Variants in PRKN observed in about 807,000 individuals in gnomAD.
PRKN encodes parkin RBR E3 ubiquitin protein ligase, also known as E3 ubiquitin-protein ligase parkin.
In PRKN, 56 loss-of-function variants were observed where a neutral mutation model predicts 59.5. That is an observed-to-expected ratio of 0.94 (90% CI 0.76 to 1.18). The LOEUF (loss-of-function observed/expected upper bound fraction) is 1.18. Among genes scored for constraint, PRKN ranks in the 50% most tolerant of loss-of-function variants. The pLI is 0.00. For missense variants in PRKN, 657 were observed against 596.4 expected (o/e 1.10, Z -1.06); for synonymous variants, 250 against 222.1 (o/e 1.13, Z -1.12).
chr6:161,768,855 C>T (rs139291187), intron 7 of PRKN, among the ~76,000 whole-genome samples: 387 of 152,294 alleles, frequency 2.5e-3, no homozygotes, highest in Non-Finnish European at 4.1e-3. Flanking sequence ...GTTAAAGCAG[C>T]CTACCAATGC....
intron 2 of PRKN, among the ~76,000 whole-genome samples, chr6:162,381,828 C>G (rs1216897370): frequency 6.6e-6 from 1 of 152,116 alleles, no homozygotes; most frequent in East Asian, 1.9e-4. Flanking sequence ...AGTTAATATA[C>G]ATTCTCTTTT....
intron 10 of PRKN, among the ~76,000 whole-genome samples, chr6:161,384,334 A>G (rs1786134115): frequency 6.6e-6 from 1 of 152,154 alleles, no homozygotes; most frequent in Non-Finnish European, 1.5e-5. Flanking sequence ...TGAGCTCAGG[A>G]GTTCAAGACC....
chr6:162,161,093 G>C (rs1031508934), intron 4 of PRKN, among the ~76,000 whole-genome samples: 1 of 152,100 alleles, frequency 6.6e-6, no homozygotes, highest in Non-Finnish European at 1.5e-5. Flanking sequence ...CCAACCCTTA[G>C]GGTCTTTCTT....
intron 7 of PRKN, among the ~76,000 whole-genome samples, chr6:161,732,971 G>T (rs1787785031): frequency 6.6e-6 from 1 of 152,150 alleles, no homozygotes; most frequent in Admixed American, 6.5e-5. Context: ...GCACCATAAT[G>T]AGGGCGTAGG....
At chr6:162,676,694 C>G (rs1779559280) in intron 1 of PRKN, among the ~76,000 whole-genome samples, 1 of 152,150 alleles carries the variant, frequency 6.6e-6, no homozygotes, top group African/African-American at 2.4e-5. Flanking sequence ...TTACTGACAA[C>G]AGAATGTGAG....
chr6:161,728,872 A>T (rs1241017856), intron 7 of PRKN, among the ~76,000 whole-genome samples: 1 of 152,216 alleles, frequency 6.6e-6, no homozygotes, highest in African/African-American at 2.4e-5. Flanking sequence ...ATAAAAATAC[A>T]CAGTAGCATA....
At chr6:162,122,347 G>A (rs1780950039) in intron 4 of PRKN, among the ~76,000 whole-genome samples, 1 of 152,168 alleles carries the variant, frequency 6.6e-6, no homozygotes, top group Non-Finnish European at 1.5e-5. Context: ...CCCAGAAGGG[G>A]CCTCTTAGGA....
intron 1 of PRKN, among the ~76,000 whole-genome samples, chr6:162,450,341 GTAATCCCCCTGT>G (rs1562773988): frequency 7.5e-5 from 7 of 93,056 alleles, no homozygotes; most frequent in African/African-American, 2.3e-4. Flanking sequence ...CCCTGTGATT[GTAATCCCCCTGT>G]GAATGTAAAC....
At chr6:161,479,013 A>T (rs1791259902) in intron 9 of PRKN, among the ~76,000 whole-genome samples, 1 of 152,244 alleles carries the variant, frequency 6.6e-6, no homozygotes, top group Non-Finnish European at 1.5e-5. Context: ...CAATTTATAC[A>T]TAGAGTGTAA....
Position 161,575,370 on chromosome 6 carries a change from G to A in PRKN, c.872-5954C>T, listed in dbSNP as rs572352715. Among the ~76,000 whole-genome samples the A allele has an allele frequency of 2.6e-5, 4 of 152,162 alleles. No individual in the cohort carries two copies. The South Asian group carries it at 8.3e-4, about 32-fold the overall frequency. On this transcript the variant is annotated intron_variant, in intron 7 of 11. Coordinates refer to ENST00000366898, the MANE Select transcript of PRKN (RefSeq NM_004562.3). The surrounding 1 kb of genome is among the most constrained non-coding windows in gnomAD (Gnocchi z 4.6). ...CAAAGTTGTGTAGCATTTCCACAAAGTCACTGACAGCTACTGAGAAAAAGC... is the reference window on the plus strand; with the variant it reads ...CAAAGTTGTGTAGCATTTCCACAAAATCACTGACAGCTACTGAGAAAAAGC...
At chr6:161,630,611 C>A (rs1166346956) in intron 7 of PRKN, among the ~76,000 whole-genome samples, 4 of 152,140 alleles carry the variant, frequency 2.6e-5, no homozygotes, top group African/African-American at 7.2e-5. Context: ...TTACCAGAGT[C>A]AAATTCAAAC....
chr6:161,600,316 A>G (rs950763158), intron 7 of PRKN, among the ~76,000 whole-genome samples: 1 of 152,054 alleles, frequency 6.6e-6, no homozygotes, highest in Non-Finnish European at 1.5e-5. Context: ...TTCCTTTTCT[A>G]TCCTCATTCA....
chr6:161,627,172 G>A (rs972489971), intron 7 of PRKN, among the ~76,000 whole-genome samples: 12 of 152,158 alleles, frequency 7.9e-5, no homozygotes, highest in African/African-American at 2.9e-4. Flanking sequence ...GAAAAGCCTA[G>A]GAAACAGAGG....
intron 4 of PRKN, among the ~76,000 whole-genome samples, chr6:162,135,444 G>T (rs1781528946): frequency 6.6e-6 from 1 of 152,200 alleles, no homozygotes; most frequent in Non-Finnish European, 1.5e-5. Flanking sequence ...TCTTCAGTGG[G>T]TTGGAAGGTG....
At chr6:161,935,778 T>A (rs1322436969) in intron 6 of PRKN, among the ~76,000 whole-genome samples, 1 of 152,144 alleles carries the variant, frequency 6.6e-6, no homozygotes, top group Non-Finnish European at 1.5e-5. Flanking sequence ...AGGGATGAGA[T>A]GATGTTGAAG....
intron 1 of PRKN, among the ~76,000 whole-genome samples, chr6:162,460,795 C>T (rs1045506335): frequency 6.6e-6 from 1 of 152,088 alleles, no homozygotes; most frequent in Non-Finnish European, 1.5e-5. Flanking sequence ...TATAATGTGA[C>T]AAAGTTTTTC....
intron 4 of PRKN, among the ~76,000 whole-genome samples, chr6:162,123,098 G>A (rs1780983329): frequency 6.6e-6 from 1 of 151,884 alleles, no homozygotes; most frequent in South Asian, 2.1e-4. Flanking sequence ...ATACTATGTT[G>A]CCTGGGATGC....
intron 6 of PRKN, among the ~76,000 whole-genome samples, chr6:161,795,495 G>A (rs574619739): frequency 6.6e-6 from 1 of 152,204 alleles, no homozygotes; most frequent in East Asian, 1.9e-4. Context: ...CAGCCTCCCA[G>A]TGCTGGGATT....
At chr6:162,466,770 T>C (rs1392587135) in intron 1 of PRKN, among the ~76,000 whole-genome samples, 2 of 152,144 alleles carry the variant, frequency 1.3e-5, no homozygotes, top group African/African-American at 4.8e-5. Flanking sequence ...ATAAAACAGA[T>C]ACCACTATGC....
Sources: gnomAD v4.1 joint callset for allele counts (sites outside exome capture counted in the v4.1 genomes callset) on GRCh38, gnomAD v4.1.1 for gene constraint, Gnocchi (gnomAD v3.1) non-coding constraint, MANE v1.5 for transcripts, NCBI Gene and HGNC (gene_info 2026-07-23, HGNC 2026-07-21) for gene names.